The following USH2A variants were observed in gnomAD, a reference collection of about 807,000 sequenced individuals.
USH2A encodes the protein Usher syndrome 2A (autosomal recessive, mild).
In USH2A, 443 loss-of-function variants were observed where a neutral mutation model predicts 538.9. The ratio of observed to expected loss-of-function variants is 0.82; its 90% CI spans 0.76 to 0.89. The LOEUF (loss-of-function observed/expected upper bound fraction) is 0.89, where lower values mean the gene tolerates loss of function less well. Ranked by LOEUF, USH2A falls within the 40% of genes least tolerant of loss-of-function variation. The pLI, the probability that USH2A is intolerant of heterozygous loss-of-function variation, is 0.00. For missense variants in USH2A, 6,633 were observed against 6,324.8 expected (o/e 1.05, Z -1.65); for synonymous variants, 2,413 against 2,273.5 (o/e 1.06, Z -1.75).
chr1:215,740,760 G>C (rs527446606), intron 60 of USH2A, among the ~76,000 whole-genome samples: 1 of 152,322 alleles, frequency 6.6e-6, no homozygotes, highest in East Asian at 1.9e-4. Context: ...TTTTGTGGAA[G>C]ACAATTTTTC....
At chr1:215,844,644 T>C (rs1049333682) in intron 45 of USH2A, 148 bp from the exon 46 acceptor site, 18 of 840,788 alleles carry the variant, frequency 2.1e-5, no homozygotes, top group African/African-American at 3.4e-5. Context: ...TGTAGTCCTC[T>C]GTAAATTGGC....
intron 32 of USH2A, among the ~76,000 whole-genome samples, chr1:216,002,802 C>T (rs1571879786): frequency 6.6e-6 from 1 of 152,220 alleles, no homozygotes; most frequent in African/African-American, 2.4e-5. Context: ...AGGCCCGATG[C>T]TTGCTTGCGT....
chr1:216,233,693 T>C (rs977063671), intron 13 of USH2A, among the ~76,000 whole-genome samples: 23 of 152,210 alleles, frequency 1.5e-4, no homozygotes, highest in African/African-American at 4.6e-4. Context: ...TTTTTTCTTA[T>C]GGAAAAAGGA....
chr1:215,750,445 C>T (rs760620425), intron 58 of USH2A, among the ~76,000 whole-genome samples: 3 of 152,162 alleles, frequency 2.0e-5, no homozygotes, highest in Non-Finnish European at 2.9e-5. Context: ...ATAATTTCCA[C>T]GTTAGTTAAA....
intron 70 of USH2A, among the ~76,000 whole-genome samples, chr1:215,633,687 T>C (rs1656385051): frequency 6.6e-6 from 1 of 152,172 alleles, no homozygotes; most frequent in African/African-American, 2.4e-5. Flanking sequence ...GACGTAGCCC[T>C]GTGGGCGCCC....
chr1:215,963,410 C>T (rs559352488), intron 37 of USH2A, among the ~76,000 whole-genome samples: 1 of 152,188 alleles, frequency 6.6e-6, no homozygotes, highest in African/African-American at 2.4e-5. Context: ...TTGCTTCCAA[C>T]CTCACCCCTT....
At chr1:216,162,383 T>A (rs187683672) in intron 21 of USH2A, among the ~76,000 whole-genome samples, 3 of 152,258 alleles carry the variant, frequency 2.0e-5, no homozygotes, top group Non-Finnish European at 4.4e-5. Context: ...ATATTTTTTA[T>A]CTTATCATCC....
chr1:216,371,992 G>A (rs1351702741), intron 3 of USH2A, among the ~76,000 whole-genome samples: 1 of 152,082 alleles, frequency 6.6e-6, no homozygotes, highest in Non-Finnish European at 1.5e-5. Flanking sequence ...TCTCTATTGA[G>A]TGACGTTTAT....
At chr1:216,341,022 G>C (rs970965098) in intron 4 of USH2A, among the ~76,000 whole-genome samples, 15 of 152,064 alleles carry the variant, frequency 9.9e-5, no homozygotes, top group Non-Finnish European at 7.4e-5. Flanking sequence ...AAGAAATAAA[G>C]GGTATTCAAA....
At chr1:216,274,029 A>C (rs75796139) in intron 11 of USH2A, among the ~76,000 whole-genome samples, 2,249 of 152,186 alleles carry the variant, frequency 0.015, 57 homozygotes, top group African/African-American at 0.052. Flanking sequence ...AAACCTAGGA[A>C]TCTTCATTTT....
chr1:216,175,324 C>T lies in USH2A; in HGVS notation c.4555G>A (p.Gly1519Arg). Reference protein sequence around the residue: ...LPALMTTMMKGIRFIGNGYCK... With the variant: ...LPALMTTMMKRIRFIGNGYCK... Reference sequence around the variant, plus strand: ...TACCCATTTCCTATGAAACGGATTCCTTTCATCATCGTGGTCATCAGAGCT... The same window carrying T: ...TACCCATTTCCTATGAAACGGATTCTTTTCATCATCGTGGTCATCAGAGCT... The change falls in exon 21 of 72, where the codon GGA (glycine) becomes AGA (arginine). Residue 1519 changes from glycine to arginine, a missense_variant. Physicochemically the swap from Gly to Arg is moderately radical, Grantham distance 125. Coordinates refer to ENST00000307340, the MANE Select transcript of USH2A (RefSeq NM_206933.4). 6.2e-7 allele frequency: 1 copy of T among 1,613,776 alleles called. No individual in the cohort carries two copies. The highest frequency in any genetic ancestry group is 8.5e-7 in the Non-Finnish European group (1 of 1,179,866).
intron 38 of USH2A, among the ~76,000 whole-genome samples, chr1:215,925,137 GCA>G (rs1310143274): frequency 6.6e-6 from 1 of 151,338 alleles, no homozygotes; most frequent in African/African-American, 2.4e-5. Flanking sequence ...CTTCATACAT[GCA>G]CACACACACA....
intron 37 of USH2A, among the ~76,000 whole-genome samples, chr1:215,952,879 A>G (rs1216305341): frequency 6.6e-6 from 1 of 152,136 alleles, no homozygotes; most frequent in Non-Finnish European, 1.5e-5. Flanking sequence ...CTTCTCGAGG[A>G]GTATCTTTGC....
In USH2A at chr1:215,639,137, A is replaced by T; in HGVS notation, c.15052+18T>A. On this transcript the variant is annotated intron_variant, in intron 69 of 71. Coordinates refer to ENST00000307340, the MANE Select transcript of USH2A (RefSeq NM_206933.4). ...AAGATGAATAGGTGCTACGCCAAGT[A>T]TAATATGAGTTGTTTACCAAGTCCA... 6.2e-7 allele frequency: 1 copy of T among 1,612,812 alleles called. No homozygotes were observed. The highest frequency in any genetic ancestry group is 8.5e-7 in the Non-Finnish European group (1 of 1,178,744).
chr1:216,420,214 C>T (rs531619408), intron 2 of USH2A, among the ~76,000 whole-genome samples: 1 of 152,100 alleles, frequency 6.6e-6, no homozygotes, highest in African/African-American at 2.4e-5. Context: ...AGAATTCGAC[C>T]ATTACTCAAG....
intron 55 of USH2A, among the ~76,000 whole-genome samples, chr1:215,770,449 C>A (rs1661245437): frequency 6.6e-6 from 1 of 151,888 alleles, no homozygotes; most frequent in Non-Finnish European, 1.5e-5. Context: ...GTTCAAACAC[C>A]AGCACAAAAA....
At chr1:215,821,739 T>G (rs1412321529) in intron 47 of USH2A, among the ~76,000 whole-genome samples, 1 of 151,912 alleles carries the variant, frequency 6.6e-6, no homozygotes, top group Non-Finnish European at 1.5e-5. Flanking sequence ...TTTTACAGTT[T>G]CAGGTCTCAG....
intron 61 of USH2A, among the ~76,000 whole-genome samples, chr1:215,701,176 T>C (rs991530830): frequency 6.6e-6 from 1 of 152,232 alleles, no homozygotes; most frequent in East Asian, 1.9e-4. Context: ...TGAGAGACTG[T>C]TATGATTTCC....
At chr1:216,234,295 C>T (rs1176807829) in intron 13 of USH2A, among the ~76,000 whole-genome samples, 1 of 151,970 alleles carries the variant, frequency 6.6e-6, no homozygotes, top group Non-Finnish European at 1.5e-5. Context: ...ACATTGTGCT[C>T]AATGAGAGGA....
Sources: gnomAD v4.1 joint callset for allele counts (sites outside exome capture counted in the v4.1 genomes callset) on GRCh38, gnomAD v4.1.1 for gene constraint, MANE v1.5 for transcripts, NCBI Gene and HGNC (gene_info 2026-07-23, HGNC 2026-07-21) for gene names.